Variants in ACSL5 observed in about 807,000 individuals in gnomAD.
The protein encoded by ACSL5 is long-chain-fatty-acid--CoA ligase 5.
Under a neutral mutation model 84.9 loss-of-function variants are expected in ACSL5, and 50 were observed. That is an observed-to-expected ratio of 0.59 (90% CI 0.47 to 0.75). ACSL5 has a LOEUF of 0.75. Ranked by LOEUF, ACSL5 falls within the 30% of genes least tolerant of loss-of-function variation. The pLI is 0.00. For synonymous variants in ACSL5, 280 were observed against 300.7 expected (o/e 0.93, Z 0.71); for missense variants, 775 against 830.4 (o/e 0.93, Z 0.82).
rs183176737 is a variant in ACSL5 at position 112,412,906 on chromosome 10, C to T, written c.949-267C>T. ...TGGAGTCTGGGGGACCACACAGTCT[C>T]AATATCTGTCTTATCTGTCATGCCA... On this transcript the variant is annotated intron_variant, in intron 11 of 20. Coordinates refer to ENST00000354655, the MANE Select transcript of ACSL5 (RefSeq NM_203379.2). Among the ~76,000 whole-genome samples the T allele has an allele frequency of 2.6e-3, 402 of 152,220 alleles. 1 individual carries two copies. The highest frequency in any genetic ancestry group is 4.6e-3 in the Non-Finnish European group (310 of 68,022).
At position 112,395,087 on chromosome 10, in the gene ACSL5, G is replaced by C. The variant is rs1400087222; in HGVS notation, c.141G>C (p.Gln47His). 1 of 1,613,422 alleles carries C rather than the reference G, an allele frequency of 6.2e-7. No homozygotes were observed. Among genetic ancestry groups the C allele is most frequent in the Non-Finnish European group, 8.5e-7 (1 of 1,179,644 alleles). ...PVLPLLDLNN[Q>H]SVGIEGGARK... ...TACCTCTTCTTGACCTGAACAATCA[G>C]TCTGTGGGAATTGAGGTAATTTACC... The change falls in exon 2 of 21, where the codon CAG becomes CAC. Residue 47 changes from glutamine to histidine, a missense_variant. Gln to His is a conservative substitution (Grantham distance 24, BLOSUM62 0). Coordinates refer to ENST00000354655, the MANE Select transcript of ACSL5 (RefSeq NM_203379.2).
chr10:112,401,884 T>C (rs1228811349), intron 3 of ACSL5, among the ~76,000 whole-genome samples: 2 of 150,774 alleles, frequency 1.3e-5, no homozygotes, highest in African/African-American at 4.9e-5. Flanking sequence ...CTTTCTTTCC[T>C]TCTTTCTTTC....
chr10:112,422,570 AC>A, intron 17 of ACSL5, 129 bp downstream of exon 17: 1 of 812,090 alleles, frequency 1.2e-6, no homozygotes, highest in Non-Finnish European at 2.0e-6. Context: ...TTAGGTTTGT[AC>A]CCTACCTGGC....
intron 12 of ACSL5, among the ~76,000 whole-genome samples, chr10:112,414,394 C>G (rs1446152724): frequency 7.6e-6 from 1 of 131,180 alleles, no homozygotes; most frequent in East Asian, 2.4e-4. Flanking sequence ...CCCACTCTGT[C>G]ACCCAGGCTG....
In ACSL5 at chr10:112,408,418, A is replaced by G. The variant is rs1844099967; in HGVS notation, c.433-4A>G. On this transcript the variant is annotated splice_polypyrimidine_tract_variant and splice_region_variant and intron_variant, in intron 5 of 20. Coordinates refer to ENST00000354655, the MANE Select transcript of ACSL5 (RefSeq NM_203379.2). The stretch of plus-strand genomic sequence containing the variant: ...AGTCCTTACTTGAACTTCTCTCTGT[A>G]CAGTGGATCATCTCCGAATTGGCTT... 1 of 1,598,212 alleles carries G rather than the reference A, an allele frequency of 6.3e-7. No homozygotes were observed. Among genetic ancestry groups the G allele is most frequent in the Non-Finnish European group, 8.6e-7 (1 of 1,165,678 alleles).
At chr10:112,401,823 TCTTTCTTTCTTTCTTTCTTC>T (rs1464119434) in intron 3 of ACSL5, among the ~76,000 whole-genome samples, 1,507 of 114,232 alleles carry the variant, frequency 0.013, 11 homozygotes, top group Middle Eastern at 0.032. Context: ...TTTCTTTCTT[TCTTTCTTTCTTTCTTTCTTC>T]CTTCCTTCCT....
At chr10:112,417,201 T>TTAAAAA (rs1554864778) in intron 13 of ACSL5, among the ~76,000 whole-genome samples, 179 bp downstream of exon 13, 3 of 120,054 alleles carry the variant, frequency 2.5e-5, no homozygotes, top group African/African-American at 9.2e-5. Flanking sequence ...GGAGTAGGTT[T>TTAAAAA]AAAAAAAAAA....
chr10:112,380,156 A>G (rs1239291927), intron 1 of ACSL5, among the ~76,000 whole-genome samples: 1 of 152,166 alleles, frequency 6.6e-6, no homozygotes, highest in Admixed American at 6.6e-5. Context: ...CTTGAAGCCC[A>G]GTGGTGGATC....
chr10:112,404,059 A>C (rs1843970603), intron 3 of ACSL5, among the ~76,000 whole-genome samples: 1 of 152,190 alleles, frequency 6.6e-6, no homozygotes, highest in South Asian at 2.1e-4. Flanking sequence ...AGTGTTAATA[A>C]TGGTATTTGG....
At chr10:112,410,552 G>A (rs1844154626) in intron 8 of ACSL5, 32 bp from the exon 9 acceptor site, 2 of 1,613,994 alleles carry the variant, frequency 1.2e-6, no homozygotes, top group Non-Finnish European at 1.7e-6. Flanking sequence ...CAAAGTTCAT[G>A]GTGGAATAAG....
At chr10:112,407,590 A>G (rs929499983) in intron 5 of ACSL5, among the ~76,000 whole-genome samples, 5 of 152,298 alleles carry the variant, frequency 3.3e-5, no homozygotes, top group Non-Finnish European at 7.4e-5. Context: ...CACCCCCATG[A>G]TTCAATTACC....
At chr10:112,397,361 G>C (rs1363642472) in intron 2 of ACSL5, among the ~76,000 whole-genome samples, 1 of 151,930 alleles carries the variant, frequency 6.6e-6, no homozygotes, top group African/African-American at 2.4e-5. Flanking sequence ...ATAGAGAGAG[G>C]GTTTCACCAT....
intron 1 of ACSL5, among the ~76,000 whole-genome samples, chr10:112,384,540 C>T (rs1849412906): frequency 6.6e-6 from 1 of 152,094 alleles, no homozygotes; most frequent in Admixed American, 6.6e-5. Flanking sequence ...CAGAGTCTTG[C>T]TCTGTTGCCC....
At chr10:112,399,387 C>G (rs539655059) in intron 3 of ACSL5, among the ~76,000 whole-genome samples, 1 of 152,160 alleles carries the variant, frequency 6.6e-6, no homozygotes, top group Non-Finnish European at 1.5e-5. Context: ...TAGAAACATG[C>G]CTTTCATTAA....
intron 1 of ACSL5, among the ~76,000 whole-genome samples, chr10:112,380,056 A>G (rs1849319141): frequency 6.6e-6 from 1 of 152,068 alleles, no homozygotes; most frequent in Non-Finnish European, 1.5e-5. Context: ...GTTCTGTCAT[A>G]ATATACTTGG....
At position 112,426,846 on chromosome 10, in the gene ACSL5, A is replaced by G. The variant is rs1844741701; in HGVS notation, c.1898A>G (p.Lys633Arg). ...LQKIGKESGL[K>R]TFEQVKAIFL... ...AAAATTGGGAAAGAAAGTGGCCTTA[A>G]AACTTTTGAACAGGTGTGTGCTACC... Residue 633 changes from lysine to arginine, a missense_variant, in exon 20 of 21, where the codon AAA (lysine) becomes AGA (arginine). Lys to Arg is a conservative substitution (Grantham distance 26). Transcript: ENST00000354655. 5 of 1,613,604 alleles carry G rather than the reference A, an allele frequency of 3.1e-6. No homozygotes were observed. In the East Asian group the frequency reaches 8.9e-5, roughly 29 times the overall value.
chr10:112,396,251 G>T (rs1388147510), intron 2 of ACSL5: 1 of 151,940 alleles, frequency 6.6e-6, no homozygotes, highest in Non-Finnish European at 1.5e-5. Flanking sequence ...ATCTTTCTTT[G>T]TTCTTTCCTC....
At chr10:112,417,775 C>T in intron 13 of ACSL5, 71 bp from the exon 14 acceptor site, 1 of 1,197,562 alleles carries the variant, frequency 8.4e-7, no homozygotes, top group Non-Finnish European at 1.2e-6. Flanking sequence ...GGCTATTATA[C>T]CCACTCTACA....
At chr10:112,403,578 G>A (rs1288477814) in intron 3 of ACSL5, among the ~76,000 whole-genome samples, 5 of 152,320 alleles carry the variant, frequency 3.3e-5, no homozygotes, top group Admixed American at 6.5e-5. Context: ...GAGCCACTGC[G>A]CCCAGCCTTG....
Sources: allele counts gnomAD v4.1 joint callset (sites outside exome capture counted in the v4.1 genomes callset), GRCh38; gene constraint gnomAD v4.1.1; transcripts MANE v1.5; gene names NCBI Gene and HGNC (gene_info 2026-07-23, HGNC 2026-07-21).